The following DNAH3 variants were observed in gnomAD, a reference collection of about 807,000 sequenced individuals.
The protein encoded by DNAH3 is dynein axonemal heavy chain 3.
Under a neutral mutation model 432.5 loss-of-function variants are expected in DNAH3, and 332 were observed. The observed-to-expected ratio is 0.77, with a 90% CI of 0.70 to 0.84. The LOEUF is 0.84. Among genes scored for constraint, DNAH3 ranks in the 40% least tolerant of loss-of-function variants. The pLI is 0.00. For missense variants in DNAH3, 4,861 were observed against 5,114.0 expected, an observed-to-expected ratio of 0.95 and a Z score of 1.51; for synonymous variants, 1,956 against 1,900.2, an observed-to-expected ratio of 1.03 and a Z score of -0.76.
At chr16:20,963,681 G>T (rs147185575) in exon 53 of DNAH3, 1 of 1,613,842 alleles carries the variant, frequency 6.2e-7, no homozygotes, top group Non-Finnish European at 8.5e-7. Flanking sequence ...TATCCAGTGC[G>T]ATGCCTCCAG....
chr16:21,140,445 G>T (rs1481752983), intron 5 of DNAH3, 91 bp downstream of exon 6: 8 of 1,362,044 alleles, frequency 5.9e-6, no homozygotes, highest in Non-Finnish European at 8.2e-6. Flanking sequence ...CATTTCCCAG[G>T]TGATTCTGCT....
At chr16:21,084,825 A>G (rs1324051971) in intron 19 of DNAH3, among the ~76,000 whole-genome samples, 4 of 152,114 alleles carry the variant, frequency 2.6e-5, no homozygotes, top group Admixed American at 2.6e-4. Context: ...TAGAGGAAGC[A>G]CCAGGTGGAG....
At chr16:20,977,279 A>AG (rs1234377709) in intron 50 of DNAH3, among the ~76,000 whole-genome samples, 1 of 152,200 alleles carries the variant, frequency 6.6e-6, no homozygotes, top group Non-Finnish European at 1.5e-5. Context: ...CGGGAGACTG[A>AG]GGCAGGAGAA....
At chr16:20,979,294 G>A (rs781634832) in intron 50 of DNAH3, 36 bp downstream of exon 50, 9 of 1,601,470 alleles carry the variant, frequency 5.6e-6, no homozygotes, top group Middle Eastern at 2.0e-4. Flanking sequence ...CTCGTCCCGG[G>A]CCTCTTTGTC....
At chr16:21,106,620 G>A in exon 15 of DNAH3, 1 of 1,609,080 alleles carries the variant, frequency 6.2e-7, no homozygotes, top group Non-Finnish European at 8.5e-7. Context: ...GCTCCTTAGT[G>A]TTGGCAGGAA....
intron 21 of DNAH3, among the ~76,000 whole-genome samples, chr16:21,073,293 A>C (rs1364584757): frequency 6.6e-6 from 1 of 152,180 alleles, no homozygotes; most frequent in Non-Finnish European, 1.5e-5. Context: ...TAGTTACTTT[A>C]GGCAAAAACT....
Position 21,024,591 on chromosome 16 carries a change from C to T in DNAH3, c.5646+5G>A, listed in dbSNP as rs754672724. 1 of 1,601,456 alleles carries T rather than the reference C, an allele frequency of 6.2e-7. No homozygotes were observed. The highest frequency in any genetic ancestry group is 1.1e-5 in the South Asian group (1 of 89,384). ...GAGGGGAAGGAAAGGGTCTGAGGGGCTCACCAATTCTTTGTGCTCCTTGGT... is the reference window on the plus strand; with the variant it reads ...GAGGGGAAGGAAAGGGTCTGAGGGGTTCACCAATTCTTTGTGCTCCTTGGT... On this transcript the variant is annotated splice_donor_5th_base_variant and intron_variant, in intron 39 of 61. Coordinates refer to ENST00000261383, the Ensembl canonical transcript of DNAH3.
chr16:20,963,610 C>G, exon 53 of DNAH3: 4 of 1,613,950 alleles, frequency 2.5e-6, no homozygotes, highest in Non-Finnish European at 3.4e-6. Flanking sequence ...GGCAGATGCA[C>G]GGACAATCTC....
chr16:21,094,618 C>G (rs2091627432), intron 18 of DNAH3, among the ~76,000 whole-genome samples: 1 of 151,714 alleles, frequency 6.6e-6, no homozygotes, highest in Non-Finnish European at 1.5e-5. Context: ...CTGCAGTGAG[C>G]CGAGATCACA....
At position 20,964,927 on chromosome 16, in the gene DNAH3, C is replaced by T. The variant is rs764888018; in HGVS notation, c.8957G>A (p.Arg2986Gln). 47 of 1,614,078 alleles carry T rather than the reference C, an allele frequency of 2.9e-5. No homozygotes were observed. The highest frequency in any genetic ancestry group is 3.8e-5 in the Non-Finnish European group (45 of 1,180,046). The stretch of plus-strand genomic sequence containing the variant: ...ATTAGTATAGCGGATCCCCAGCTGT[C>T]GGGCAGCTTCGGTCCATCTGTCCTT... The change falls in exon 53 of 62, where the codon CGA becomes CAA. Residue 2986 changes from arginine (R) to glutamine (Q), a missense_variant. By Grantham distance (43) the Arg-to-Gln change is conservative (BLOSUM62 1). Coordinates refer to ENST00000261383, the Ensembl canonical transcript of DNAH3.
At chr16:21,112,854 T>C (rs995792770) in intron 12 of DNAH3, among the ~76,000 whole-genome samples, 6 of 152,242 alleles carry the variant, frequency 3.9e-5, no homozygotes, top group African/African-American at 1.4e-4. Context: ...AAAGTTTGAC[T>C]GTCCCACTGG....
exon 56 of DNAH3, chr16:20,952,488 C>G (rs1187561995): frequency 3.1e-6 from 5 of 1,613,544 alleles, no homozygotes; most frequent in Non-Finnish European, 3.4e-6. Context: ...TGAGAAACAT[C>G]TGGATCTGCC....
At chr16:21,073,854 A>C (rs1478048125) in intron 21 of DNAH3, among the ~76,000 whole-genome samples, 2 of 152,104 alleles carry the variant, frequency 1.3e-5, no homozygotes, top group Non-Finnish European at 2.9e-5. Flanking sequence ...ACACAGAGAG[A>C]CCAAGAAGAA....
At position 21,139,320 on chromosome 16, in the gene DNAH3, C is replaced by CTTTTTTTTTTTTTTTT. The variant is rs9302391; in HGVS notation, c.696+1200_696+1215dup. 7.6e-3 allele frequency among the ~76,000 whole-genome samples: 224 copies of CTTTTTTTTTTTTTTTT among 29,628 alleles called. 54 individuals carry two copies. The highest frequency in any genetic ancestry group is 0.026 in the East Asian group (18 of 702). 19.4% of individuals were successfully genotyped at this position (29,628 alleles called of 152,430 possible). ...AATGTAGCTTGAGACTTTCCTCATG[C>CTTTTTTTTTTTTTTTT]TTTTTTTTTTTTTTTTTTTTTTTTT... is the stretch of plus-strand genomic sequence containing the variant. On this transcript the variant is annotated intron_variant, in intron 5 of 61. Coordinates refer to ENST00000261383, the Ensembl canonical transcript of DNAH3.
intron 41 of DNAH3, among the ~76,000 whole-genome samples, chr16:21,012,819 T>C (rs1317656492): frequency 6.6e-6 from 1 of 152,112 alleles, no homozygotes; most frequent in Non-Finnish European, 1.5e-5. Flanking sequence ...TGGAGTGCAG[T>C]GGGATGATCA....
At chr16:21,096,131 C>T (rs1472910731) in intron 18 of DNAH3, among the ~76,000 whole-genome samples, 1 of 131,434 alleles carries the variant, frequency 7.6e-6, no homozygotes, top group African/African-American at 2.7e-5. Context: ...CTAAGGGTCT[C>T]TGATTTTTTT....
chr16:20,987,504 G>A, intron 46 of DNAH3, 56 bp from the exon 47 acceptor site: 1 of 1,602,068 alleles, frequency 6.2e-7, no homozygotes, highest in South Asian at 1.1e-5. Context: ...TGAGGTGGTA[G>A]TTCTCAGTAG....
intron 11 of DNAH3, among the ~76,000 whole-genome samples, chr16:21,120,380 G>A (rs1012200101): frequency 1.3e-5 from 2 of 152,176 alleles, no homozygotes; most frequent in Admixed American, 6.5e-5. Context: ...AATTATAGGT[G>A]TGAGCCACCA....
Position 21,003,724 on chromosome 16 carries a change from G to A in DNAH3, c.6023-517C>T, listed in dbSNP as rs148846824. Among the ~76,000 whole-genome samples the A allele has an allele frequency of 6.6e-5, 10 of 152,200 alleles. 1 individual carries two copies. Among genetic ancestry groups the A allele is most frequent in the South Asian group, 4.2e-4 (2 of 4,818 alleles). The stretch of plus-strand genomic sequence containing the variant: ...CAGGAGGCCGAGGTTGCAGTGAGCC[G>A]AGATTGTGTCACTGCACTCCAGCCT... On this transcript the variant is annotated intron_variant, in intron 41 of 61. Coordinates refer to ENST00000261383, the Ensembl canonical transcript of DNAH3.
Sources: allele counts gnomAD v4.1 joint callset (sites outside exome capture counted in the v4.1 genomes callset), GRCh38; gene constraint gnomAD v4.1.1; transcripts MANE v1.5; gene names NCBI Gene and HGNC (gene_info 2026-07-23, HGNC 2026-07-21).